Variants in CASK observed in about 807,000 individuals in gnomAD.
CASK encodes the protein peripheral plasma membrane protein CASK.
CASK carries 4 observed loss-of-function variants against 82.9 expected under a neutral mutation model. The ratio of observed to expected loss-of-function variants is 0.05; its 90% CI spans 0.02 to 0.11. The LOEUF is 0.11. Ranked by LOEUF, CASK falls within the 10% of genes least tolerant of loss-of-function variation. CASK has a pLI of 1.00. For missense variants in CASK, 358 were observed against 720.9 expected (o/e 0.50, Z 5.76); for synonymous variants, 259 against 253.5 (o/e 1.02, Z -0.20).
intron 1 of CASK, among the ~76,000 whole-genome samples, chrX:41,898,317 A>G (rs1410622693): frequency 9.0e-6 from 1 of 111,181 alleles, no homozygotes; most frequent in Non-Finnish European, 1.9e-5. Context: ...TGTCTCTTTT[A>G]TTTATAATTT....
rs749445843 is a variant in CASK at position 41,640,496 on chromosome X, C to CT, written c.832-3836dup. Among the ~76,000 whole-genome samples, 3 of 111,675 alleles carry CT rather than the reference C, an allele frequency of 2.7e-5. No individual in the cohort carries two copies. In the South Asian group the frequency reaches 1.1e-3, roughly 42 times the overall value. On this transcript the variant is annotated intron_variant, in intron 8 of 26. Transcript: ENST00000378163. Reference sequence around the variant, plus strand: ...GGATTACAGGTGTGAGCCACCGCACCTGGCCTCCATTGTTCTATATCTTTG... The same window carrying CT: ...GGATTACAGGTGTGAGCCACCGCACCTTGGCCTCCATTGTTCTATATCTTTG...
chrX:41,688,532 T>C (rs1030616167), intron 5 of CASK, among the ~76,000 whole-genome samples: 4 of 111,461 alleles, frequency 3.6e-5, no homozygotes, highest in African/African-American at 1.3e-4. Context: ...AGAAATCTCA[T>C]CTAGTCCTAA....
chrX:41,589,506 A>G lies in CASK; in HGVS notation c.1233+9T>C, dbSNP rs1602310381. ...GATGCCAAATACTTCTATAAAATAT[A>G]TCACTTACCTCTTTGGCTCTCTGTA... On this transcript the variant is annotated intron_variant, in intron 13 of 26. Coordinates refer to ENST00000378163, the MANE Select transcript of CASK (RefSeq NM_001367721.1). 8.7e-7 allele frequency: 1 copy of G among 1,153,729 alleles called. No homozygotes were observed.
At chrX:41,767,934 G>A (rs1439612870) in intron 3 of CASK, among the ~76,000 whole-genome samples, 1 of 111,868 alleles carries the variant, frequency 8.9e-6, no homozygotes, top group Non-Finnish European at 1.9e-5. Flanking sequence ...TTGAAAGTGA[G>A]TTACTAAGTC....
intron 1 of CASK, among the ~76,000 whole-genome samples, chrX:41,909,006 A>G (rs1387705705): frequency 1.8e-5 from 2 of 112,174 alleles, no homozygotes; most frequent in Non-Finnish European, 3.8e-5. Context: ...GATTTGGCCC[A>G]TGGACCATAG....
At chrX:41,627,793 G>A (rs2066404535) in intron 9 of CASK, among the ~76,000 whole-genome samples, 1 of 112,149 alleles carries the variant, frequency 8.9e-6, no homozygotes, top group African/African-American at 3.2e-5. Flanking sequence ...ACCTGAGGTC[G>A]GGAGTTTGAG....
intron 14 of CASK, among the ~76,000 whole-genome samples, chrX:41,583,270 G>A (rs765862452): frequency 1.7e-4 from 19 of 111,183 alleles, no homozygotes; most frequent in Non-Finnish European, 3.6e-4. Flanking sequence ...TGGGCTATAT[G>A]AGCCGTAATG....
At chrX:41,589,366 T>G (rs191075637) in intron 13 of CASK, 149 bp downstream of exon 13, 23 of 460,012 alleles carry the variant, frequency 5.0e-5, no homozygotes, top group African/African-American at 3.9e-4. Flanking sequence ...TTCTGTATGT[T>G]CAGTAATAAA....
intron 16 of CASK, among the ~76,000 whole-genome samples, chrX:41,568,977 G>A (rs768709175): frequency 1.8e-5 from 2 of 111,475 alleles, no homozygotes; most frequent in South Asian, 7.5e-4. Context: ...CTGGGTGACT[G>A]AGCCAGACCT....
In CASK at chrX:41,534,900, G is replaced by C. The variant is rs773957178; in HGVS notation, c.2229C>G (p.Val743=). The C allele has an allele frequency of 1.7e-6, 2 of 1,188,811 alleles. No individual in the cohort carries two copies. The highest frequency in any genetic ancestry group is 3.6e-5 in the South Asian group (2 of 56,324). Residue 743 remains valine, a synonymous_variant, in exon 23 of 27, where the codon GTC becomes GTG. Transcript: ENST00000378163. ...KLPAFKRKTL[V]LLGAHGVGRR... Reference sequence around the variant, plus strand: ...TTACACAATCAAACTTACCTAATAAGACTAGTGTTTTCCTCTTGAATGCTG... The same window carrying C: ...TTACACAATCAAACTTACCTAATAACACTAGTGTTTTCCTCTTGAATGCTG...
chrX:41,525,879 C>T (rs1363388038), intron 25 of CASK, among the ~76,000 whole-genome samples: 1 of 111,622 alleles, frequency 9.0e-6, no homozygotes, highest in Non-Finnish European at 1.9e-5. Context: ...AGTCACACAG[C>T]ATCTTCTTGT....
Position 41,818,145 on chromosome X carries a change from C to CTGTGTGTGTG in CASK, c.173-30872_173-30863dup, listed in dbSNP as rs59931187. Among the ~76,000 whole-genome samples the CTGTGTGTGTG allele has an allele frequency of 4.5e-3, 386 of 85,407 alleles. 1 individual carries two copies. The highest frequency in any genetic ancestry group is 6.3e-3 in the Non-Finnish European group (278 of 43,921). The allele number at this position is 85,407 out of a possible 115,157, so 74.2% of individuals were successfully genotyped here. The stretch of plus-strand genomic sequence containing the variant: ...CCCAATAAAAATCCCAGGAGGCCTT[C>CTGTGTGTGTG]TGTGTGTGTGTGTGTGTGTGTGTGT... On this transcript the variant is annotated intron_variant, in intron 2 of 26. Coordinates refer to ENST00000378163, the MANE Select transcript of CASK (RefSeq NM_001367721.1).
intron 5 of CASK, among the ~76,000 whole-genome samples, chrX:41,702,881 G>A (rs975636911): frequency 8.9e-6 from 1 of 112,217 alleles, no homozygotes; most frequent in Admixed American, 9.4e-5. Context: ...AGCTCTCTCT[G>A]AAACATGTAC....
At chrX:41,650,532 CTTAT>C (rs1239411142) in intron 8 of CASK, among the ~76,000 whole-genome samples, 1 of 105,831 alleles carries the variant, frequency 9.4e-6, no homozygotes, top group Non-Finnish European at 1.9e-5. Flanking sequence ...TTTTCTTCAT[CTTAT>C]TTGTTTTTTT....
intron 1 of CASK, among the ~76,000 whole-genome samples, chrX:41,900,139 A>T (rs2072343652): frequency 9.2e-6 from 1 of 108,414 alleles, no homozygotes; most frequent in African/African-American, 3.4e-5. Flanking sequence ...TGATAGTCTT[A>T]TAGAGGTTTC....
chrX:41,603,382 C>T (rs772785685), intron 12 of CASK, among the ~76,000 whole-genome samples: 2 of 111,632 alleles, frequency 1.8e-5, no homozygotes, highest in South Asian at 7.4e-4. Flanking sequence ...CTCAAAAAAG[C>T]GAAATAGTAA....
chrX:41,540,163 C>A (rs1030390679), intron 22 of CASK, among the ~76,000 whole-genome samples: 1 of 111,788 alleles, frequency 8.9e-6, no homozygotes, highest in African/African-American at 3.2e-5. Context: ...GCCCAGACGG[C>A]CGCTGGTTAG....
intron 5 of CASK, among the ~76,000 whole-genome samples, chrX:41,730,902 G>T (rs900603873): frequency 2.7e-5 from 3 of 110,626 alleles, no homozygotes; most frequent in Non-Finnish European, 5.7e-5. Context: ...ACGGGGTTTC[G>T]CCATGTTACC....
chrX:41,748,442 A>G (rs2068732053), intron 3 of CASK: 3 of 157,431 alleles, frequency 1.9e-5, no homozygotes, highest in Non-Finnish European at 3.7e-5. Flanking sequence ...TCAGCCCCAG[A>G]TCCCAGATTT....
Sources: gnomAD v4.1 joint callset for allele counts (sites outside exome capture counted in the v4.1 genomes callset) on GRCh38, gnomAD v4.1.1 for gene constraint, MANE v1.5 for transcripts, NCBI Gene and HGNC (gene_info 2026-07-23, HGNC 2026-07-21) for gene names.